Variants in KLHL13 observed in about 807,000 individuals in gnomAD.
KLHL13 encodes kelch-like protein 13.
Under a neutral mutation model 37.1 loss-of-function variants are expected in KLHL13, and 10 were observed. That is an observed-to-expected ratio of 0.27 (90% CI 0.17 to 0.46). The LOEUF (loss-of-function observed/expected upper bound fraction) is 0.46. Among genes scored for constraint, KLHL13 ranks in the 20% least tolerant of loss-of-function variants. KLHL13 has a pLI of 1.00. For missense variants in KLHL13, 360 were observed against 509.3 expected (o/e 0.71, Z 2.82); for synonymous variants, 163 against 181.2 (o/e 0.90, Z 0.81).
chrX:118,024,803 G>C (rs112304188), intron 1 of KLHL13, among the ~76,000 whole-genome samples: 2 of 111,671 alleles, frequency 1.8e-5, no homozygotes, highest in Non-Finnish European at 1.9e-5. Context: ...TTCAAAAAAC[G>C]TTTGGTAGTT....
At chrX:118,014,395 T>C (rs2054103493) in intron 1 of KLHL13, among the ~76,000 whole-genome samples, 1 of 111,788 alleles carries the variant, frequency 8.9e-6, no homozygotes, top group East Asian at 2.8e-4. Context: ...GATTGGGAAA[T>C]TCCAGCCTGG....
exon 7 of KLHL13, chrX:117,898,869 C>T: frequency 8.7e-7 from 1 of 1,155,776 alleles, no homozygotes; most frequent in Non-Finnish European, 1.2e-6. Context: ...TGACACATTG[C>T]AAAGATAGAA....
intron 6 of KLHL13, 49 bp from the exon 8 acceptor site, chrX:117,899,444 A>T: frequency 9.6e-7 from 1 of 1,041,505 alleles, no homozygotes; most frequent in East Asian, 3.0e-5. Context: ...TAGAAATGCA[A>T]AAGTAATTAA....
rs181184923 is a variant in KLHL13 at position 117,912,470 on chromosome X, T to C, written c.571-2374A>G. On this transcript the variant is annotated intron_variant, in intron 4 of 6. Transcript: ENST00000262820. ...ATCAAGGTATTTAATTCCTTCACCTTTTCCCTCTTCAAATTTATCCAGTGA... is the reference window on the plus strand; with the variant it reads ...ATCAAGGTATTTAATTCCTTCACCTCTTCCCTCTTCAAATTTATCCAGTGA... Among the ~76,000 whole-genome samples, 42 of 112,088 alleles carry C rather than the reference T, an allele frequency of 3.7e-4. 1 individual carries two copies. Among genetic ancestry groups the C allele is most frequent in the African/African-American group, 1.3e-3 (41 of 30,920 alleles).
chrX:117,975,177 T>TACACACAC (rs760035096), upstream of KLHL13, among the ~76,000 whole-genome samples: 2 of 103,276 alleles, frequency 1.9e-5, no homozygotes, highest in African/African-American at 7.1e-5. Context: ...GAGAAATACA[T>TACACACAC]ACACACACAC....
intron 1 of KLHL13, among the ~76,000 whole-genome samples, chrX:118,029,202 G>C (rs768255595): frequency 1.8e-5 from 2 of 111,292 alleles, no homozygotes; most frequent in African/African-American, 3.3e-5. Context: ...AAGTTAGAAG[G>C]GGGGAGTTGA....
intron 1 of KLHL13, among the ~76,000 whole-genome samples, chrX:118,102,998 T>A (rs1440846962): frequency 8.9e-6 from 1 of 112,325 alleles, no homozygotes; most frequent in African/African-American, 3.2e-5. Context: ...ATCAGACCAA[T>A]TTGGCTTGTC....
chrX:118,102,431 C>T (rs2055300404), intron 1 of KLHL13, among the ~76,000 whole-genome samples: 1 of 111,793 alleles, frequency 8.9e-6, no homozygotes, highest in African/African-American at 3.3e-5. Flanking sequence ...AAATGCTAAA[C>T]TACATCCTTA....
intron 2 of KLHL13, among the ~76,000 whole-genome samples, chrX:117,926,885 CTTTTTTTTTTTTTTTTTTTT>C (rs10596292): frequency 0.023 from 591 of 26,158 alleles, 19 homozygotes; most frequent in African/African-American, 0.059. Context: ...CCCCCTACTT[CTTTTTTTTTTTTTTTTTTTT>C]TTTTTTTTTT....
At chrX:118,063,678 C>A (rs1383932945) in intron 1 of KLHL13, among the ~76,000 whole-genome samples, 1 of 111,641 alleles carries the variant, frequency 9.0e-6, no homozygotes, top group Non-Finnish European at 1.9e-5. Context: ...TTTGGTTGCT[C>A]CTTTTATGCC....
At chrX:117,926,129 C>T (rs1306237301) in intron 2 of KLHL13, among the ~76,000 whole-genome samples, 1 of 111,962 alleles carries the variant, frequency 8.9e-6, no homozygotes, top group Non-Finnish European at 1.9e-5. Context: ...ATTTACATTA[C>T]GTCCTGAAAC....
intron 5 of KLHL13, among the ~76,000 whole-genome samples, chrX:117,904,429 G>C (rs1257959928): frequency 1.8e-5 from 2 of 111,185 alleles, no homozygotes; most frequent in Non-Finnish European, 3.8e-5. Flanking sequence ...GCAAGGCAAA[G>C]AGTTGGAGCC....
chrX:118,086,347 T>C (rs994327561), intron 1 of KLHL13, among the ~76,000 whole-genome samples: 1 of 111,530 alleles, frequency 9.0e-6, no homozygotes, highest in Non-Finnish European at 1.9e-5. Flanking sequence ...CTCTAGACTG[T>C]TTTTCTTAGA....
At chrX:118,009,972 CA>C (rs959035919) in intron 1 of KLHL13, among the ~76,000 whole-genome samples, 1 of 110,047 alleles carries the variant, frequency 9.1e-6, no homozygotes, top group Non-Finnish European at 1.9e-5. Flanking sequence ...TTTATGCAGC[CA>C]AAAAACAATG....
At chrX:118,022,881 G>A (rs1013013873) in intron 1 of KLHL13, among the ~76,000 whole-genome samples, 1 of 108,841 alleles carries the variant, frequency 9.2e-6, no homozygotes, top group East Asian at 2.8e-4. Context: ...AAGCTTTTGG[G>A]GTGATATCCA....
intron 5 of KLHL13, among the ~76,000 whole-genome samples, chrX:117,903,173 G>GCGAGAGAGAGA (rs1491190040): frequency 1.0e-5 from 1 of 96,705 alleles, no homozygotes; most frequent in African/African-American, 4.4e-5. Context: ...GAGAGAGAGA[G>GCGAGAGAGAGA]GAGAGCGAGA....
chrX:118,083,059 C>T (rs978889703), intron 1 of KLHL13, among the ~76,000 whole-genome samples: 2 of 111,745 alleles, frequency 1.8e-5, no homozygotes, highest in African/African-American at 6.5e-5. Context: ...TATTCTAGGT[C>T]ATTTGTTGTT....
At chrX:117,924,536 G>T (rs1931901775) in intron 2 of KLHL13, among the ~76,000 whole-genome samples, 1 of 111,942 alleles carries the variant, frequency 8.9e-6, no homozygotes, top group African/African-American at 3.2e-5. Flanking sequence ...AGATTTACAT[G>T]AACATTTTTG....
chrX:118,060,335 C>T (rs1401087852), intron 1 of KLHL13, among the ~76,000 whole-genome samples: 1 of 111,166 alleles, frequency 9.0e-6, no homozygotes, highest in Non-Finnish European at 1.9e-5. Flanking sequence ...GTGTTAAATG[C>T]ATATTATTGA....
Sources: allele counts gnomAD v4.1 joint callset (sites outside exome capture counted in the v4.1 genomes callset), GRCh38; gene constraint gnomAD v4.1.1; transcripts MANE v1.5; gene names NCBI Gene and HGNC (gene_info 2026-07-23, HGNC 2026-07-21).